PROSER3: variants seen among roughly 807,000 people sequenced by gnomAD.
The protein encoded by PROSER3 is proline and serine-rich protein 3.
PROSER3 carries 33 observed loss-of-function variants against 50.2 expected under a neutral mutation model. That is an observed-to-expected ratio of 0.66 (90% CI 0.50 to 0.88). PROSER3 has a LOEUF of 0.88. Among genes scored for constraint, PROSER3 ranks in the 40% least tolerant of loss-of-function variants. The pLI, the probability that PROSER3 is intolerant of heterozygous loss-of-function variation, is 0.00. For missense variants in PROSER3, 623 were observed against 612.7 expected (o/e 1.02, Z -0.18); for synonymous variants, 266 against 259.3 (o/e 1.03, Z -0.25).
chr19:35,767,745 C>T (rs1054048763), intron 8 of PROSER3: 41 of 1,556,458 alleles, frequency 2.6e-5, no homozygotes, highest in Admixed American at 3.7e-5. Flanking sequence ...AAAGTCCAGG[C>T]CACACAACCC....
rs1408872903 is a variant in PROSER3, at chr19:35,766,703, C to A, written c.770-65C>A. 4 of 1,193,758 alleles carry A rather than the reference C, an allele frequency of 3.4e-6. No homozygotes were observed. In the East Asian group the frequency reaches 1.0e-4, roughly 31 times the overall value. The allele number at this position is 1,193,758 out of a possible 1,614,324, so 73.9% of individuals were successfully genotyped here. On this transcript the variant is annotated intron_variant, in intron 7 of 10. Coordinates refer to ENST00000396908, the Ensembl canonical transcript of PROSER3. ...CACAGTTGGAGGGCGTGTGTGCAGGCTGTCCTGGGGTTGCTGATCTCCCTG... is the reference window on the plus strand; with the variant it reads ...CACAGTTGGAGGGCGTGTGTGCAGGATGTCCTGGGGTTGCTGATCTCCCTG...
chr19:35,766,770 T>A (rs1157832668), exon 8 of PROSER3: 1 of 1,546,740 alleles, frequency 6.5e-7, no homozygotes, highest in African/African-American at 1.4e-5. Flanking sequence ...CCCTACAGCA[T>A]CCCCGGCACC....
chr19:35,761,068 C>T (rs545882692), intron 3 of PROSER3, among the ~76,000 whole-genome samples: 19 of 152,290 alleles, frequency 1.2e-4, no homozygotes, highest in East Asian at 1.9e-4. Context: ...TGTTGCTGTC[C>T]GAACTCTAGG....
At chr19:35,767,263 T>C in intron 8 of PROSER3, 1 of 350,420 alleles carries the variant, frequency 2.9e-6, no homozygotes. Flanking sequence ...CCCCACAGTC[T>C]GGGCCTTGGG....
chr19:35,759,327 G>A, intron 1 of PROSER3, 47 bp from the exon 2 acceptor site: 1 of 1,499,422 alleles, frequency 6.7e-7, no homozygotes, highest in South Asian at 1.2e-5. Flanking sequence ...CCTCCCCAGG[G>A]CTGCGGCGAA....
chr19:35,760,182 A>G (rs1345782849), intron 3 of PROSER3, among the ~76,000 whole-genome samples, 191 bp downstream of exon 3: 1 of 152,148 alleles, frequency 6.6e-6, no homozygotes, highest in African/African-American at 2.4e-5. Context: ...AACTCTCTGT[A>G]TGATCTTGGC....
At chr19:35,761,979 C>G (rs779939124) in intron 3 of PROSER3, 40 bp from the exon 4 acceptor site, 4 of 1,539,454 alleles carry the variant, frequency 2.6e-6, no homozygotes, top group Non-Finnish European at 3.5e-6. Context: ...TTATTTGGCT[C>G]TCCTCACTCC....
At chr19:35,760,404 A>C (rs951827749) in intron 3 of PROSER3, among the ~76,000 whole-genome samples, 1 of 152,134 alleles carries the variant, frequency 6.6e-6, no homozygotes, top group Non-Finnish European at 1.5e-5. Flanking sequence ...TGGCCTCCAA[A>C]AAGTGCTGTG....
rs231218 is a variant in PROSER3, at chr19:35,767,691, C to T, written c.958-113C>T. On this transcript the variant is annotated intron_variant, in intron 8 of 10. Coordinates refer to ENST00000396908, the Ensembl canonical transcript of PROSER3. ...TTCCCTGACAGCCTGGAGGACACGC[C>T]TCCTCACTTCGAGGGCCCCCCTCCA... The T allele has an allele frequency of 8.3e-4, 1,112 of 1,341,014 alleles. 9 individuals carry two copies. In the African/African-American group the frequency reaches 0.013, roughly 16 times the overall value. 83.1% of individuals were successfully genotyped at this position (1,341,014 alleles called of 1,614,324 possible).
exon 8 of PROSER3, chr19:35,766,897 A>C (rs550616208): frequency 6.4e-7 from 1 of 1,553,214 alleles, no homozygotes; most frequent in African/African-American, 1.4e-5. Flanking sequence ...GAACAGGCTC[A>C]GGGAAGCAAG....
At chr19:35,765,679 C>G (rs888743718) in intron 7 of PROSER3, among the ~76,000 whole-genome samples, 2 of 152,188 alleles carry the variant, frequency 1.3e-5, no homozygotes, top group Admixed American at 1.3e-4. Context: ...AGGCATGCAC[C>G]ACTATGCCCA....
chr19:35,768,762 C>A, exon 11 of PROSER3: 1 of 465,838 alleles, frequency 2.1e-6, no homozygotes. Context: ...TTCCTTGGGG[C>A]AGAGGGAGTT....
chr19:35,758,229 G>A lies in PROSER3; in HGVS notation c.11+3G>A. 3.8e-6 allele frequency: 6 copies of A among 1,562,554 alleles called. No individual in the cohort carries two copies. The highest frequency in any genetic ancestry group is 1.4e-5 in the African/African-American group (1 of 73,808). On this transcript the variant is annotated splice_donor_region_variant and intron_variant, in intron 1 of 10. Coordinates refer to ENST00000396908, the Ensembl canonical transcript of PROSER3. ...GGGAGCCGCGGGATGGACCGCAGGT[G>A]AGGCCGATCGCTCTTCCAGGGACTA...
exon 11 of PROSER3, chr19:35,768,529 A>G (rs1476725386): frequency 2.5e-6 from 4 of 1,594,666 alleles, no homozygotes; most frequent in Non-Finnish European, 3.4e-6. Context: ...GATTCCCTGG[A>G]GGCCAGAAGA....
chr19:35,767,909 C>G, exon 9 of PROSER3: 23 of 1,612,812 alleles, frequency 1.4e-5, no homozygotes, highest in Non-Finnish European at 1.9e-5. Flanking sequence ...CGAGGTCCCA[C>G]TCTCTCCAGC....
chr19:35,761,172 C>T (rs766641543), intron 3 of PROSER3, among the ~76,000 whole-genome samples: 14 of 152,172 alleles, frequency 9.2e-5, no homozygotes, highest in Non-Finnish European at 1.3e-4. Context: ...AACTTAGTCA[C>T]GTGGTCACAA....
chr19:35,766,383 C>CA (rs544238177), intron 7 of PROSER3, among the ~76,000 whole-genome samples: 6 of 152,026 alleles, frequency 3.9e-5, no homozygotes, highest in African/African-American at 1.4e-4. Context: ...CCTGTCTCTA[C>CA]AAAAAAATAA....
At chr19:35,759,942 G>A (rs1160309935) in exon 3 of PROSER3, 2 of 1,607,236 alleles carry the variant, frequency 1.2e-6, no homozygotes, top group African/African-American at 1.3e-5. Flanking sequence ...ACAGATGTGG[G>A]CCTCCCCAGC....
chr19:35,764,996 G>A (rs1971092641), intron 6 of PROSER3, 38 bp from the exon 7 acceptor site: 6 of 1,612,474 alleles, frequency 3.7e-6, no homozygotes, highest in Middle Eastern at 1.6e-4. Context: ...CCCAGGTCTC[G>A]AGACCTCCAT....
Sources: gnomAD v4.1 joint callset for allele counts (sites outside exome capture counted in the v4.1 genomes callset) on GRCh38, gnomAD v4.1.1 for gene constraint, MANE v1.5 for transcripts, NCBI Gene and HGNC (gene_info 2026-07-23, HGNC 2026-07-21) for gene names.